Variants in UNC5C observed in about 807,000 individuals in gnomAD.
UNC5C encodes netrin receptor UNC5C.
A neutral mutation model predicts 99.8 loss-of-function variants in UNC5C; 47 were observed. That is an observed-to-expected ratio of 0.47 (90% CI 0.37 to 0.60). The LOEUF (loss-of-function observed/expected upper bound fraction) is 0.60, where lower values mean the gene tolerates loss of function less well. UNC5C is among the 20% of genes least tolerant of loss of function. UNC5C has a pLI of 0.00. For missense variants in UNC5C, 1,062 were observed against 1,165.9 expected, an observed-to-expected ratio of 0.91 and a Z score of 1.30; for synonymous variants, 487 against 452.2, an observed-to-expected ratio of 1.08 and a Z score of -0.98.
At chr4:95,170,117 C>A in intron 15 of UNC5C, 37 bp downstream of exon 15, 1 of 1,600,252 alleles carries the variant, frequency 6.2e-7, no homozygotes, top group African/African-American at 1.3e-5. Flanking sequence ...AGGGCACTAA[C>A]AGAAAGAAGC....
chr4:95,462,569 G>T (rs543236287), intron 1 of UNC5C, among the ~76,000 whole-genome samples: 1 of 152,126 alleles, frequency 6.6e-6, no homozygotes, highest in African/African-American at 2.4e-5. Context: ...ACATACAGGA[G>T]GTAATTCGGT....
intron 3 of UNC5C, among the ~76,000 whole-genome samples, chr4:95,283,055 T>A (rs1184645693): frequency 6.6e-6 from 1 of 152,180 alleles, no homozygotes; most frequent in Non-Finnish European, 1.5e-5. Context: ...GTCCCAATGG[T>A]ATCTACTACT....
At chr4:95,265,689 A>G (rs904372703) in intron 4 of UNC5C, among the ~76,000 whole-genome samples, 1 of 152,214 alleles carries the variant, frequency 6.6e-6, no homozygotes, top group Non-Finnish European at 1.5e-5. Context: ...ATTATAATGA[A>G]CCAAATTTTG....
chr4:95,480,642 T>A (rs534814922), intron 1 of UNC5C, among the ~76,000 whole-genome samples: 77 of 151,900 alleles, frequency 5.1e-4, no homozygotes, highest in African/African-American at 1.8e-3. Context: ...CAGCAGCACA[T>A]CAAAAAGCTT....
At chr4:95,515,335 A>G (rs910922871) in intron 1 of UNC5C, among the ~76,000 whole-genome samples, 1 of 152,222 alleles carries the variant, frequency 6.6e-6, no homozygotes, top group African/African-American at 2.4e-5. Flanking sequence ...TCACAGATGG[A>G]CAAACTGAGG....
rs571749696 is a variant in UNC5C, at chr4:95,455,099, T to C, written c.124+93635A>G. Among the ~76,000 whole-genome samples, 6 of 152,156 alleles carry C rather than the reference T, an allele frequency of 3.9e-5. No individual in the cohort carries two copies. The East Asian group carries it at 1.2e-3, about 29-fold the overall frequency. ...AAATGTGAAAAATGTATAGAGTACATGTATTAAAAATAGTGTCCCAATCCC... is the reference window on the plus strand; with the variant it reads ...AAATGTGAAAAATGTATAGAGTACACGTATTAAAAATAGTGTCCCAATCCC... On this transcript the variant is annotated intron_variant, in intron 1 of 15. Coordinates refer to ENST00000453304, the MANE Select transcript of UNC5C (RefSeq NM_003728.4).
intron 1 of UNC5C, among the ~76,000 whole-genome samples, chr4:95,410,348 A>G (rs1745944724): frequency 6.6e-6 from 1 of 152,190 alleles, no homozygotes; most frequent in African/African-American, 2.4e-5. Flanking sequence ...AAAAGAAAAA[A>G]GGAAAAAAGA....
intron 12 of UNC5C, among the ~76,000 whole-genome samples, chr4:95,196,512 C>A (rs1229940092): frequency 2.0e-5 from 3 of 151,762 alleles, no homozygotes; most frequent in African/African-American, 7.3e-5. Context: ...TAGTCACTGC[C>A]AACATGCTAA....
intron 2 of UNC5C, among the ~76,000 whole-genome samples, chr4:95,313,289 G>A (rs527893124): frequency 6.6e-6 from 1 of 152,142 alleles, no homozygotes; most frequent in Non-Finnish European, 1.5e-5. Flanking sequence ...TGGTTCTTTG[G>A]AGCAGTGAGA....
intron 1 of UNC5C, among the ~76,000 whole-genome samples, chr4:95,545,313 T>G (rs1319853535): frequency 2.0e-5 from 3 of 152,224 alleles, no homozygotes; most frequent in Non-Finnish European, 4.4e-5. Context: ...TTTTAAGCAT[T>G]CTCTAAGCTA....
At chr4:95,264,011 A>C (rs1740342153) in intron 4 of UNC5C, among the ~76,000 whole-genome samples, 1 of 152,156 alleles carries the variant, frequency 6.6e-6, no homozygotes, top group Non-Finnish European at 1.5e-5. Context: ...TTCTGTCCTA[A>C]AGACACCATC....
At chr4:95,459,810 G>A (rs1747547516) in intron 1 of UNC5C, among the ~76,000 whole-genome samples, 4 of 152,068 alleles carry the variant, frequency 2.6e-5, no homozygotes, top group Admixed American at 2.6e-4. Flanking sequence ...TTATAGAATA[G>A]CACTCATTTA....
At chr4:95,331,972 T>C (rs1262923790) in intron 2 of UNC5C, among the ~76,000 whole-genome samples, 2 of 152,082 alleles carry the variant, frequency 1.3e-5, no homozygotes, top group Non-Finnish European at 2.9e-5. Flanking sequence ...CATTCACAAT[T>C]GCTTCAAAGA....
intron 1 of UNC5C, among the ~76,000 whole-genome samples, chr4:95,414,906 T>A (rs1039584829): frequency 1.3e-5 from 2 of 152,182 alleles, no homozygotes; most frequent in African/African-American, 4.8e-5. Flanking sequence ...AAGAAAAGAA[T>A]TTTGGAGATT....
In UNC5C at chr4:95,182,969, C is replaced by A. The variant is rs149103034; in HGVS notation, c.2379G>T (p.Leu793=). Residue 793 remains leucine (L), a synonymous_variant, in exon 14 of 16, where the codon CTG becomes CTT. Coordinates refer to ENST00000453304, the MANE Select transcript of UNC5C (RefSeq NM_003728.4). ...CCTGCCGCACACAGAGTTTGCAAAC[C>A]AGCTCCACTGTGTTCAGGCTAAATC... is the stretch of plus-strand genomic sequence containing the variant. The part of the protein sequence containing the change: ...LERFSLNTVE[L]VCKLCVRQVE... 1.9e-4 allele frequency: 308 copies of A among 1,613,912 alleles called. 1 individual carries two copies. The highest frequency in any genetic ancestry group is 2.8e-4 in the Admixed American group (17 of 60,024).
intron 4 of UNC5C, among the ~76,000 whole-genome samples, chr4:95,276,563 A>C (rs1420901868): frequency 6.6e-6 from 1 of 152,210 alleles, no homozygotes; most frequent in Non-Finnish European, 1.5e-5. Context: ...GATGCCATGG[A>C]TACCCATGTT....
intron 1 of UNC5C, among the ~76,000 whole-genome samples, chr4:95,545,065 T>G (rs1192970651): frequency 6.6e-6 from 1 of 152,240 alleles, no homozygotes; most frequent in African/African-American, 2.4e-5. Flanking sequence ...AGGGTTTACT[T>G]AGCAGAGCTC....
chr4:95,278,246 T>G lies in UNC5C; in HGVS notation c.594+13A>C. On this transcript the variant is annotated intron_variant, in intron 4 of 15. Coordinates refer to ENST00000453304, the MANE Select transcript of UNC5C (RefSeq NM_003728.4). ...GTGCCAATTGCTAAATGCAAAGAAT[T>G]GTTGTTATTCACCTCAGCCACTGGG... The G allele has an allele frequency of 1.2e-6, 2 of 1,605,620 alleles. No individual in the cohort carries two copies. The highest frequency in any genetic ancestry group is 2.7e-5 in the African/African-American group (2 of 74,848).
chr4:95,458,094 T>G (rs1747496602), intron 1 of UNC5C, among the ~76,000 whole-genome samples: 1 of 152,168 alleles, frequency 6.6e-6, no homozygotes, highest in South Asian at 2.1e-4. Context: ...CTTAAATTTT[T>G]TATTACATAA....
Sources: allele counts gnomAD v4.1 joint callset (sites outside exome capture counted in the v4.1 genomes callset), GRCh38; gene constraint gnomAD v4.1.1; transcripts MANE v1.5; gene names NCBI Gene and HGNC (gene_info 2026-07-23, HGNC 2026-07-21).